The following SLIT2 variants were observed in gnomAD, a reference collection of about 807,000 sequenced individuals.
SLIT2 encodes slit guidance ligand 2.
Under a neutral mutation model 185.7 loss-of-function variants are expected in SLIT2, and 41 were observed. That is an observed-to-expected ratio of 0.22 (90% CI 0.17 to 0.29). The LOEUF (loss-of-function observed/expected upper bound fraction) is 0.29. Ranked by LOEUF, SLIT2 falls within the 10% of genes least tolerant of loss-of-function variation. The pLI is 1.00. For synonymous variants in SLIT2, 693 were observed against 680.2 expected (o/e 1.02, Z -0.29); for missense variants, 1,571 against 1,909.0 (o/e 0.82, Z 3.30).
intron 29 of SLIT2, among the ~76,000 whole-genome samples, chr4:20,574,888 A>G (rs1169188056): frequency 6.6e-6 from 1 of 151,422 alleles, no homozygotes; most frequent in Non-Finnish European, 1.5e-5. Flanking sequence ...TGGATGATTT[A>G]CTGTGTTTGC....
intron 4 of SLIT2, among the ~76,000 whole-genome samples, chr4:20,312,751 G>C (rs1288959111): frequency 7.6e-6 from 1 of 131,762 alleles, no homozygotes; most frequent in Non-Finnish European, 1.6e-5. Flanking sequence ...TCAGCCTGGC[G>C]ATAGAGTGAG....
rs368038589 is a variant in SLIT2 at position 20,262,235 on chromosome 4, T to C, written c.323+4296T>C. Among the ~76,000 whole-genome samples, 4 of 151,786 alleles carry C rather than the reference T, an allele frequency of 2.6e-5. No homozygotes were observed. The East Asian group carries it at 5.8e-4, about 22-fold the overall frequency. On this transcript the variant is annotated intron_variant, in intron 3 of 36. Coordinates refer to ENST00000504154, the MANE Select transcript of SLIT2 (RefSeq NM_004787.4). Reference sequence around the variant, plus strand: ...GACAAATTTATTTTTTTTAAGGTGATGCTGAATTAGTTCTCCCTGCATACA... The same window carrying C: ...GACAAATTTATTTTTTTTAAGGTGACGCTGAATTAGTTCTCCCTGCATACA...
In SLIT2 at chr4:20,525,923, T is replaced by A. The variant is rs573604740; in HGVS notation, c.1462+751T>A. On this transcript the variant is annotated intron_variant, in intron 15 of 36. Coordinates refer to ENST00000504154, the MANE Select transcript of SLIT2 (RefSeq NM_004787.4). The stretch of plus-strand genomic sequence containing the variant: ...TGTTTTACCACTTCAATCGTAACAC[T>A]ATCAAGACTGATGATTCTAGAACTA... Among the ~76,000 whole-genome samples the A allele has an allele frequency of 3.8e-4, 58 of 152,284 alleles. 1 individual carries two copies. The South Asian group carries it at 9.9e-3, about 26-fold the overall frequency.
At chr4:20,513,077 A>G (rs1043066155) in intron 11 of SLIT2, among the ~76,000 whole-genome samples, 67 of 152,340 alleles carry the variant, frequency 4.4e-4, no homozygotes, top group African/African-American at 1.6e-3. Flanking sequence ...GCTATTTGCT[A>G]ACACATGTAA....
intron 29 of SLIT2, among the ~76,000 whole-genome samples, chr4:20,573,600 A>AC (rs1725816401): frequency 1.3e-5 from 2 of 152,208 alleles, no homozygotes; most frequent in Non-Finnish European, 2.9e-5. Flanking sequence ...TATCACAAAC[A>AC]TATTATTTTT....
At chr4:20,340,079 AT>A (rs1720836745) in intron 4 of SLIT2, among the ~76,000 whole-genome samples, 2 of 152,072 alleles carry the variant, frequency 1.3e-5, no homozygotes, top group African/African-American at 2.4e-5. Flanking sequence ...TCTTTTTAAA[AT>A]TTTTAAATTT....
chr4:20,341,682 T>C (rs372236239), intron 4 of SLIT2, among the ~76,000 whole-genome samples: 28 of 152,240 alleles, frequency 1.8e-4, no homozygotes, highest in African/African-American at 6.5e-4. Context: ...AACTGTGAGG[T>C]TGAAAAAGAT....
At chr4:20,542,091 G>A (rs1487043908) in intron 20 of SLIT2, among the ~76,000 whole-genome samples, 1 of 152,016 alleles carries the variant, frequency 6.6e-6, no homozygotes, top group African/African-American at 2.4e-5. Context: ...TGAACAGAGA[G>A]CTAATTTGAG....
At chr4:20,504,106 CA>C (rs1424704549) in intron 9 of SLIT2, among the ~76,000 whole-genome samples, 3 of 151,930 alleles carry the variant, frequency 2.0e-5, no homozygotes, top group African/African-American at 7.3e-5. Flanking sequence ...AGTAGCATTC[CA>C]AAAATAGAAA....
At chr4:20,479,056 A>G (rs1038298779) in intron 5 of SLIT2, among the ~76,000 whole-genome samples, 1 of 152,176 alleles carries the variant, frequency 6.6e-6, no homozygotes, top group Non-Finnish European at 1.5e-5. Flanking sequence ...ATTTGGGGAA[A>G]ACTTTAGTTT....
intron 30 of SLIT2, among the ~76,000 whole-genome samples, chr4:20,595,145 A>G (rs1727872298): frequency 6.6e-6 from 1 of 152,184 alleles, no homozygotes; most frequent in African/African-American, 2.4e-5. Context: ...TTCTTCTATA[A>G]TGAGTATCTG....
chr4:20,469,392 A>G (rs1001573083), intron 5 of SLIT2, among the ~76,000 whole-genome samples: 1 of 152,188 alleles, frequency 6.6e-6, no homozygotes, highest in Admixed American at 6.5e-5. Flanking sequence ...CCCTCCTCCC[A>G]CATTTAAGGA....
Position 20,488,933 on chromosome 4 carries a change from G to C in SLIT2, c.726G>C (p.Leu242=). The C allele has an allele frequency of 6.2e-7, 1 of 1,611,974 alleles. No individual in the cohort carries two copies. The highest frequency in any genetic ancestry group is 1.1e-5 in the South Asian group (1 of 90,864). ...LYTQCMGPSH[L]RGHNVAEVQK... ...CTCAGTGTATGGGCCCCTCCCACCT[G>C]AGAGGCCATAATGTAGCCGAGGTTC... Residue 242 remains leucine (L), a synonymous_variant, in exon 8 of 37, where the codon CTG becomes CTC. Transcript: ENST00000504154.
At chr4:20,347,430 C>T (rs148635963) in intron 4 of SLIT2, among the ~76,000 whole-genome samples, 31 of 152,226 alleles carry the variant, frequency 2.0e-4, no homozygotes, top group Non-Finnish European at 4.1e-4. Flanking sequence ...TTTCATGAGT[C>T]TATTGCATGG....
chr4:20,410,929 AT>A (rs564491560), intron 4 of SLIT2, among the ~76,000 whole-genome samples: 1 of 151,972 alleles, frequency 6.6e-6, no homozygotes, highest in African/African-American at 2.4e-5. Flanking sequence ...ATTTTAAAGT[AT>A]TTTTTTCTAA....
intron 4 of SLIT2, among the ~76,000 whole-genome samples, chr4:20,373,155 A>G (rs1247517786): frequency 1.3e-5 from 2 of 152,066 alleles, no homozygotes; most frequent in Non-Finnish European, 2.9e-5. Flanking sequence ...CAGAATTTAT[A>G]ATCAAAATTA....
At position 20,598,936 on chromosome 4, in the gene SLIT2, C is replaced by T. The variant is rs79446815; in HGVS notation, c.3692+541C>T. On this transcript the variant is annotated intron_variant, in intron 33 of 36. Coordinates refer to ENST00000504154, the MANE Select transcript of SLIT2 (RefSeq NM_004787.4). ...AGTAATGTAGCTTGCACATGAGCTT[C>T]CTGGGGCTCAGAGCTGGGTAAAGAA... 4.7e-3 allele frequency among the ~76,000 whole-genome samples: 708 copies of T among 152,240 alleles called. 10 individuals carry two copies. Among genetic ancestry groups the T allele is most frequent in the African/African-American group, 0.016 (673 of 41,534 alleles).
chr4:20,330,565 A>G (rs539218304), intron 4 of SLIT2, among the ~76,000 whole-genome samples: 1 of 152,248 alleles, frequency 6.6e-6, no homozygotes, highest in South Asian at 2.1e-4. Context: ...TAATAGTTTT[A>G]AAGCATTTGG....
intron 9 of SLIT2, among the ~76,000 whole-genome samples, chr4:20,500,582 T>C (rs1021680604): frequency 1.3e-5 from 2 of 152,176 alleles, no homozygotes; most frequent in Non-Finnish European, 1.5e-5. Context: ...AAAAGTGTCT[T>C]GTATCATACA....
Sources: gnomAD v4.1 joint callset for allele counts (sites outside exome capture counted in the v4.1 genomes callset) on GRCh38, gnomAD v4.1.1 for gene constraint, MANE v1.5 for transcripts, NCBI Gene and HGNC (gene_info 2026-07-23, HGNC 2026-07-21) for gene names.